BSND: variants seen among roughly 807,000 people sequenced by gnomAD.
The protein encoded by BSND is barttin CLCNK type accessory subunit beta.
In BSND, 13 loss-of-function variants were observed where a neutral mutation model predicts 18.8. The ratio of observed to expected loss-of-function variants is 0.69; its 90% CI spans 0.45 to 1.10. The LOEUF is 1.10. Among genes scored for constraint, BSND ranks in the 50% least tolerant of loss-of-function variants. The pLI is 0.00. For missense variants in BSND, 379 were observed against 416.7 expected (o/e 0.91, Z 0.79); for synonymous variants, 170 against 161.8 (o/e 1.05, Z -0.39).
intron 1 of BSND, 149 bp downstream of exon 1, chr1:54,999,512 G>T: frequency 1.2e-6 from 1 of 822,992 alleles, no homozygotes; most frequent in East Asian, 2.7e-5. Flanking sequence ...TCTCCTGAGC[G>T]TCTGTCCCAT....
At chr1:55,004,157 GTCAGAAGT>G (rs941362374) in intron 1 of BSND, among the ~76,000 whole-genome samples, 1 of 152,212 alleles carries the variant, frequency 6.6e-6, no homozygotes, top group African/African-American at 2.4e-5. Flanking sequence ...TGTAGCATGT[GTCAGAAGT>G]TCCATCCTTA....
rs564662961 is a variant in BSND, at chr1:55,017,119, G to C, written c.*8491G>C. Among the ~76,000 whole-genome samples, 147 of 152,334 alleles carry C rather than the reference G, an allele frequency of 9.6e-4. No individual in the cohort carries two copies. Among genetic ancestry groups the C allele is most frequent in the South Asian group, 7.4e-3 (36 of 4,834 alleles). On this transcript the variant is annotated 3_prime_UTR_variant, in exon 4 of 4. Coordinates refer to ENST00000651561, the MANE Select transcript of BSND (RefSeq NM_057176.3). The stretch of plus-strand genomic sequence containing the variant: ...TTACGTTCATTATTGTGCCCTCAGT[G>C]CTTAGTTAAGTTCCTGGAACACAGT...
chr1:55,013,224 C>T lies in BSND; in HGVS notation c.*4596C>T, dbSNP rs372274886. ...TGTTGCCCAGGCTAGAGTGCAATGG[C>T]GCAATCTCAGCTTGCTGCAACCTCC... On this transcript the variant is annotated 3_prime_UTR_variant, in exon 4 of 4. Coordinates refer to ENST00000651561, the MANE Select transcript of BSND (RefSeq NM_057176.3). Among the ~76,000 whole-genome samples, 1 of 152,114 alleles carries T rather than the reference C, an allele frequency of 6.6e-6. No individual in the cohort carries two copies. The highest frequency in any genetic ancestry group is 6.5e-5 in the Admixed American group (1 of 15,282).
At chr1:55,004,740 C>T (rs1160849272) in intron 1 of BSND, among the ~76,000 whole-genome samples, 1 of 152,234 alleles carries the variant, frequency 6.6e-6, no homozygotes, top group Non-Finnish European at 1.5e-5. Context: ...ACAGGGTTCT[C>T]TTTCACTCCT....
At position 55,002,469 on chromosome 1, in the gene BSND, T is replaced by C. The variant is rs561909819; in HGVS notation, c.178-2553T>C. Reference sequence around the variant, plus strand: ...GTGCTGGAGACCAGGACCAGGGTCCTGACTGGTGGCCTCCCTCTCTCTGGA... The same window carrying C: ...GTGCTGGAGACCAGGACCAGGGTCCCGACTGGTGGCCTCCCTCTCTCTGGA... On this transcript the variant is annotated intron_variant, in intron 1 of 3. Coordinates refer to ENST00000651561, the MANE Select transcript of BSND (RefSeq NM_057176.3). 2.7e-3 allele frequency among the ~76,000 whole-genome samples: 413 copies of C among 152,364 alleles called. 3 individuals carry two copies. The highest frequency in any genetic ancestry group is 9.5e-3 in the African/African-American group (397 of 41,592).
intron 1 of BSND, among the ~76,000 whole-genome samples, chr1:55,001,410 C>G (rs1353176088): frequency 6.6e-6 from 1 of 151,960 alleles, no homozygotes; most frequent in East Asian, 1.9e-4. Context: ...CAAATTGACT[C>G]CAATAAGGGA....
intron 1 of BSND, among the ~76,000 whole-genome samples, chr1:54,999,981 G>A (rs774762867): frequency 2.6e-5 from 4 of 152,148 alleles, no homozygotes; most frequent in Non-Finnish European, 5.9e-5. Context: ...GTGTAATTTA[G>A]TGATGGGAAG....
intron 3 of BSND, among the ~76,000 whole-genome samples, chr1:55,007,705 T>C (rs1363163403): frequency 2.0e-5 from 3 of 152,146 alleles, no homozygotes; most frequent in Non-Finnish European, 4.4e-5. Context: ...CTCTGTGACC[T>C]TGGGCAAGGC....
In BSND at chr1:54,999,672, G is replaced by A. The variant is rs140843155; in HGVS notation, c.177+309G>A. 2.8e-3 allele frequency among the ~76,000 whole-genome samples: 426 copies of A among 152,244 alleles called. 1 individual carries two copies. The highest frequency in any genetic ancestry group is 4.0e-3 in the Non-Finnish European group (272 of 68,014). ...ATGTGCTTGAAACAAAAGCTAATGA[G>A]CGCTGACCCCCTGCCAGGCACTCCT... is the stretch of plus-strand genomic sequence containing the variant. On this transcript the variant is annotated intron_variant, in intron 1 of 3. Transcript: ENST00000651561.
chr1:55,008,722 A>T lies in BSND; in HGVS notation c.*94A>T, dbSNP rs80300625. 2 of 1,567,372 alleles carry T rather than the reference A, an allele frequency of 1.3e-6. No individual in the cohort carries two copies. Among genetic ancestry groups the T allele is most frequent in the Non-Finnish European group, 1.8e-6 (2 of 1,141,258 alleles). On this transcript the variant is annotated 3_prime_UTR_variant, in exon 4 of 4. Transcript: ENST00000651561. ...GTTTCCCTATCTGCAAAATGGGATG[A>T]TATGGAGGTTCAATGAGATGGTGGC...
At chr1:55,008,184 C>A (rs1437895987) in intron 3 of BSND, 30 bp from the exon 4 acceptor site, 9 of 1,596,750 alleles carry the variant, frequency 5.6e-6, no homozygotes, top group South Asian at 1.1e-5. Context: ...CTCAGAGATA[C>A]CCTTGCCCTT....
At chr1:55,006,096 T>C (rs12077294) in intron 2 of BSND, among the ~76,000 whole-genome samples, 57,131 of 152,086 alleles carry the variant, frequency 0.38, 13,813 homozygotes, top group African/African-American at 0.69. Flanking sequence ...TCGGCTGGGT[T>C]AGGGATGATC....
rs12134118 is a variant in BSND at position 55,009,099 on chromosome 1, T to C, written c.*471T>C. On this transcript the variant is annotated 3_prime_UTR_variant, in exon 4 of 4. Transcript: ENST00000651561. The stretch of plus-strand genomic sequence containing the variant: ...TTCCTCCTGCAGCTCCCATCGCTCC[T>C]TGGCCAGGACCCAAAACCTTCTGTG... 0.17 allele frequency: 36,303 copies of C among 215,688 alleles called. 3,822 individuals are homozygous for C. The highest frequency in any genetic ancestry group is 0.28 in the East Asian group (2,263 of 7,982). 13.4% of individuals were successfully genotyped at this position (215,688 alleles called of 1,614,324 possible). A position where few individuals can be genotyped will look rare whatever the true frequency, so the allele number is the denominator to read the frequency against.
intron 1 of BSND, among the ~76,000 whole-genome samples, chr1:55,003,653 A>G (rs964883694): frequency 1.3e-5 from 2 of 152,166 alleles, no homozygotes; most frequent in Non-Finnish European, 2.9e-5. Context: ...CTCAACAAAT[A>G]TTTATTGGAA....
chr1:54,999,282 G>T lies in BSND; in HGVS notation c.96G>T (p.Gln32His). The T allele has an allele frequency of 6.2e-7, 1 of 1,614,134 alleles. No homozygotes were observed. The highest frequency in any genetic ancestry group is 1.6e-4 in the Middle Eastern group (1 of 6,062). Residue 32 changes from glutamine to histidine, a missense_variant, in exon 1 of 4, where the codon CAG becomes CAT. Gln to His is a conservative substitution (Grantham distance 24, BLOSUM62 0). Transcript: ENST00000651561. Reference protein sequence around the residue: ...GTFLMSHDRPQVYGTFYAMGS... With the variant: ...GTFLMSHDRPHVYGTFYAMGS... ...TCCTCATGAGCCATGATCGGCCCCA[G>T]GTCTACGGCACCTTCTATGCCATGG...
At chr1:55,007,723 A>C (rs1644399084) in intron 3 of BSND, among the ~76,000 whole-genome samples, 1 of 151,406 alleles carries the variant, frequency 6.6e-6, no homozygotes, top group South Asian at 2.1e-4. Context: ...GGCCCTCCCC[A>C]CTCCACTCCC....
intron 2 of BSND, 26 bp downstream of exon 2, chr1:55,005,142 G>T: frequency 6.2e-7 from 1 of 1,609,196 alleles, no homozygotes; most frequent in East Asian, 2.2e-5. Flanking sequence ...TCTCGGGAGG[G>T]GAGGAGTAAG....
rs1570275594 is a variant in BSND at position 55,009,868 on chromosome 1, C to G, written c.*1240C>G. On this transcript the variant is annotated 3_prime_UTR_variant, in exon 4 of 4. Coordinates refer to ENST00000651561, the MANE Select transcript of BSND (RefSeq NM_057176.3). ...AGCAGCCTGGGCAACATAGCGAAAC[C>G]CTATCTCTACTAAAACTACAAAAAT... The G allele has an allele frequency of 6.6e-6, 1 of 152,202 alleles. No homozygotes were observed. The highest frequency in any genetic ancestry group is 1.5e-5 in the Non-Finnish European group (1 of 68,088). The allele number at this position is 152,202 out of a possible 1,614,324, so 9.4% of individuals were successfully genotyped here.
rs1047855057 is a variant in BSND, at chr1:55,015,077, G to A, written c.*6449G>A. The stretch of plus-strand genomic sequence containing the variant: ...TCAGATTTGTTCTGATGGGCAAGGG[G>A]GATTAATTGATGATTCTTGAGCAGA... On this transcript the variant is annotated 3_prime_UTR_variant, in exon 4 of 4. Transcript: ENST00000651561. Among the ~76,000 whole-genome samples, 2 of 152,172 alleles carry A rather than the reference G, an allele frequency of 1.3e-5. No individual in the cohort carries two copies. Among genetic ancestry groups the A allele is most frequent in the African/African-American group, 4.8e-5 (2 of 41,430 alleles).
Sources: allele counts gnomAD v4.1 joint callset (sites outside exome capture counted in the v4.1 genomes callset), GRCh38; gene constraint gnomAD v4.1.1; transcripts MANE v1.5; gene names NCBI Gene and HGNC (gene_info 2026-07-23, HGNC 2026-07-21).